Variants in ABCA13 observed in about 807,000 individuals in gnomAD.
ABCA13 encodes ATP-binding cassette sub-family A member 13.
In ABCA13, 476 loss-of-function variants were observed where a neutral mutation model predicts 478.7. The observed-to-expected ratio is 0.99, with a 90% CI of 0.92 to 1.07. The LOEUF (loss-of-function observed/expected upper bound fraction) is 1.07, where lower values mean the gene tolerates loss of function less well. Among genes scored for constraint, ABCA13 ranks in the 50% least tolerant of loss-of-function variants. ABCA13 has a pLI of 0.00. For synonymous variants in ABCA13, 2,252 were observed against 2,158.9 expected, an observed-to-expected ratio of 1.04 and a Z score of -1.20; for missense variants, 6,060 against 5,910.6, an observed-to-expected ratio of 1.03 and a Z score of -0.83.
chr7:48,394,135 T>G (rs1308145675), intron 38 of ABCA13, among the ~76,000 whole-genome samples: 1 of 152,166 alleles, frequency 6.6e-6, no homozygotes, highest in East Asian at 1.9e-4. Context: ...CTTCAAGGAC[T>G]CACATCACTT....
At position 48,502,460 on chromosome 7, in the gene ABCA13, T is replaced by G. The variant is rs1830842012; in HGVS notation, c.13292-3876T>G. On this transcript the variant is annotated intron_variant, in intron 48 of 61. Transcript: ENST00000435803. ...AGATCCAACCTTGGTAGTTTAATAT[T>G]TTATTATTGAGCTCCCCACAGAAAC... Among the ~76,000 whole-genome samples, 3 of 152,312 alleles carry G rather than the reference T, an allele frequency of 2.0e-5. No individual in the cohort carries two copies. The East Asian group carries it at 5.8e-4, about 29-fold the overall frequency.
chr7:48,468,010 A>G (rs954923412), intron 44 of ABCA13, among the ~76,000 whole-genome samples: 10 of 152,208 alleles, frequency 6.6e-5, no homozygotes, highest in African/African-American at 2.4e-4. Flanking sequence ...CTCCTCTCTG[A>G]TGGAATACAC....
intron 59 of ABCA13, among the ~76,000 whole-genome samples, chr7:48,629,963 C>A (rs1794025997): frequency 6.6e-6 from 1 of 152,142 alleles, no homozygotes; most frequent in African/African-American, 2.4e-5. Context: ...TCTGCTACAA[C>A]CTCCAAACAT....
At chr7:48,461,270 C>T (rs1480566566) in intron 43 of ABCA13, among the ~76,000 whole-genome samples, 1 of 152,152 alleles carries the variant, frequency 6.6e-6, no homozygotes, top group Non-Finnish European at 1.5e-5. Context: ...CCTCTGATCT[C>T]ATTTCCTGGT....
chr7:48,485,792 C>G (rs1829239018), intron 47 of ABCA13, among the ~76,000 whole-genome samples: 1 of 152,158 alleles, frequency 6.6e-6, no homozygotes, highest in South Asian at 2.1e-4. Context: ...CCAGGCCCCA[C>G]TATCTGTGGG....
intron 58 of ABCA13, among the ~76,000 whole-genome samples, chr7:48,611,057 G>T (rs568794848): frequency 1.3e-5 from 2 of 152,270 alleles, no homozygotes; most frequent in East Asian, 3.9e-4. Flanking sequence ...CAGAAAATGT[G>T]TTTTTCTTTT....
At chr7:48,562,451 TATCTAGGCAAGGGACC>T (rs1786565356) in intron 55 of ABCA13, among the ~76,000 whole-genome samples, 1 of 152,102 alleles carries the variant, frequency 6.6e-6, no homozygotes, top group South Asian at 2.1e-4. Context: ...TTTCTTCAGA[TATCTAGGCAAGGGACC>T]ATGGGGAATG....
At position 48,403,844 on chromosome 7, in the gene ABCA13, A is replaced by G. The variant is rs777283801; in HGVS notation, c.12035A>G (p.His4012Arg). The G allele has an allele frequency of 3.8e-5, 61 of 1,613,584 alleles. No individual in the cohort carries two copies. Among genetic ancestry groups the G allele is most frequent in the Non-Finnish European group, 5.1e-5 (60 of 1,179,736 alleles). ...AGTGGGGTGGACCCTTGCTCCCGGC[A>G]TAGCCTGTGGGACATTCTGCTCAAG... Reference protein sequence around the residue: ...PTSGVDPCSRHSLWDILLKYR... With the variant: ...PTSGVDPCSRRSLWDILLKYR... Residue 4012 changes from histidine to arginine, a missense_variant, in exon 39 of 62, where the codon CAT becomes CGT. Around this residue, in one of 3 missense-constraint regions of ABCA13, gnomAD observed 1,627 missense variants for 1,571.0 expected, o/e 1.04. Coordinates refer to ENST00000435803, the MANE Select transcript of ABCA13 (RefSeq NM_152701.5).
intron 20 of ABCA13, among the ~76,000 whole-genome samples, chr7:48,294,401 C>T (rs545431740): frequency 6.6e-6 from 1 of 151,586 alleles, no homozygotes; most frequent in Admixed American, 6.6e-5. Flanking sequence ...CTGGTAACCA[C>T]CACCCTATGC....
chr7:48,510,998 T>TG (rs1348867346), intron 50 of ABCA13, 86 bp from the exon 51 acceptor site: 1 of 1,114,052 alleles, frequency 9.0e-7, no homozygotes, highest in African/African-American at 1.6e-5. Context: ...TTTGTGAAGT[T>TG]GAAAGGAAAC....
intron 52 of ABCA13, among the ~76,000 whole-genome samples, chr7:48,517,614 G>A (rs1421200672): frequency 6.6e-6 from 1 of 152,128 alleles, no homozygotes; most frequent in Non-Finnish European, 1.5e-5. Flanking sequence ...CTGCCTGGGT[G>A]TTTGCCTCTG....
chr7:48,498,944 C>T (rs970334694), intron 48 of ABCA13, among the ~76,000 whole-genome samples: 1 of 152,088 alleles, frequency 6.6e-6, no homozygotes, highest in Non-Finnish European at 1.5e-5. Flanking sequence ...ACCCATTAAA[C>T]TGAAGATATG....
chr7:48,496,479 T>C (rs920975034), intron 48 of ABCA13, among the ~76,000 whole-genome samples: 2 of 152,294 alleles, frequency 1.3e-5, no homozygotes, highest in African/African-American at 4.8e-5. Flanking sequence ...AGGAAACTCA[T>C]GAGATGAACA....
At chr7:48,622,232 A>G (rs925262422) in intron 59 of ABCA13, among the ~76,000 whole-genome samples, 4 of 152,108 alleles carry the variant, frequency 2.6e-5, no homozygotes, top group Admixed American at 2.0e-4. Context: ...GGCATTACCA[A>G]AACACACCCT....
intron 53 of ABCA13, among the ~76,000 whole-genome samples, chr7:48,523,373 C>T (rs1016964987): frequency 6.6e-6 from 1 of 151,696 alleles, no homozygotes. Flanking sequence ...TTTTTAATAC[C>T]TTTTTTATTT....
rs1233154939 is a variant in ABCA13, at chr7:48,496,227, G to A, written c.13291+6883G>A. Among the ~76,000 whole-genome samples, 7 of 151,948 alleles carry A rather than the reference G, an allele frequency of 4.6e-5. No homozygotes were observed. In the East Asian group the frequency reaches 1.4e-3, roughly 29 times the overall value. On this transcript the variant is annotated intron_variant, in intron 48 of 61. Coordinates refer to ENST00000435803, the MANE Select transcript of ABCA13 (RefSeq NM_152701.5). Reference sequence around the variant, plus strand: ...TTGATTCTATTATGATTTATTTATAGTATTTTTAAGTATATACATTCATTT... The same window carrying A: ...TTGATTCTATTATGATTTATTTATAATATTTTTAAGTATATACATTCATTT...
At chr7:48,500,772 C>T (rs961014317) in intron 48 of ABCA13, among the ~76,000 whole-genome samples, 13 of 152,286 alleles carry the variant, frequency 8.5e-5, no homozygotes, top group African/African-American at 2.6e-4. Context: ...ACTTTCCTTG[C>T]ACTCCAGCCC....
At chr7:48,206,334 G>C (rs1784914476) in intron 3 of ABCA13, among the ~76,000 whole-genome samples, 1 of 152,132 alleles carries the variant, frequency 6.6e-6, no homozygotes, top group African/African-American at 2.4e-5. Flanking sequence ...TATTACAACT[G>C]CCTACAGTAT....
chr7:48,286,861 G>C (rs1387892048), intron 19 of ABCA13, among the ~76,000 whole-genome samples: 1 of 151,518 alleles, frequency 6.6e-6, no homozygotes, highest in Non-Finnish European at 1.5e-5. Flanking sequence ...TTAAGAGTCA[G>C]GATAACATTT....
Sources: gnomAD v4.1 joint callset for allele counts (sites outside exome capture counted in the v4.1 genomes callset) on GRCh38, gnomAD v4.1.1 for gene constraint, gnomAD v4.1.1 regional missense constraint, MANE v1.5 for transcripts, NCBI Gene and HGNC (gene_info 2026-07-23, HGNC 2026-07-21) for gene names.